Variants in LRRC4C observed in about 807,000 individuals in gnomAD.
The protein encoded by LRRC4C is leucine rich repeat containing 4C.
A neutral mutation model predicts 33.6 loss-of-function variants in LRRC4C; 5 were observed. That is an observed-to-expected ratio of 0.15 (90% CI 0.08 to 0.31). The LOEUF is 0.31. Ranked by LOEUF, LRRC4C falls within the 10% of genes least tolerant of loss-of-function variation. LRRC4C has a pLI of 1.00. For synonymous variants in LRRC4C, 329 were observed against 302.0 expected (o/e 1.09, Z -0.93); for missense variants, 560 against 796.7 (o/e 0.70, Z 3.58).
chr11:40,867,863 T>C (rs182891986), intron 2 of LRRC4C, among the ~76,000 whole-genome samples: 68 of 152,212 alleles, frequency 4.5e-4, no homozygotes, highest in African/African-American at 1.6e-3. Context: ...CCTCACCCCA[T>C]CCAGCATGCT....
chr11:40,789,134 T>C (rs928844069), intron 2 of LRRC4C, among the ~76,000 whole-genome samples: 1 of 149,452 alleles, frequency 6.7e-6, no homozygotes, highest in Non-Finnish European at 1.5e-5. Context: ...TATAAACTTA[T>C]GTGTTAGTGG....
At chr11:40,259,485 C>T (rs1175294999) in intron 4 of LRRC4C, among the ~76,000 whole-genome samples, 3 of 151,840 alleles carry the variant, frequency 2.0e-5, no homozygotes, top group Non-Finnish European at 4.4e-5. Flanking sequence ...AAGTCCTTGC[C>T]CATGCCTATG....
intron 5 of LRRC4C, among the ~76,000 whole-genome samples, chr11:40,213,902 C>A (rs983463527): frequency 1.3e-5 from 2 of 151,636 alleles, no homozygotes; most frequent in African/African-American, 4.9e-5. Flanking sequence ...TATGGTAGAT[C>A]GTATGATCCC....
At chr11:41,356,735 G>T (rs547408162) in intron 1 of LRRC4C, among the ~76,000 whole-genome samples, 2 of 152,054 alleles carry the variant, frequency 1.3e-5, no homozygotes, top group Non-Finnish European at 2.9e-5. Flanking sequence ...TCCTGGTTTT[G>T]TCTGAATGTT....
chr11:40,501,157 A>G (rs1954751115), intron 3 of LRRC4C, among the ~76,000 whole-genome samples: 1 of 152,048 alleles, frequency 6.6e-6, no homozygotes, highest in Admixed American at 6.6e-5. Flanking sequence ...GTTCCCATGG[A>G]ACCCACAACA....
At chr11:41,131,123 C>G (rs74880854) in intron 1 of LRRC4C, among the ~76,000 whole-genome samples, 1 of 151,806 alleles carries the variant, frequency 6.6e-6, no homozygotes, top group Non-Finnish European at 1.5e-5. Flanking sequence ...TGCAGCAGCC[C>G]GAGTTTAGTA....
intron 3 of LRRC4C, among the ~76,000 whole-genome samples, chr11:40,347,172 T>C (rs975371415): frequency 2.6e-5 from 4 of 152,242 alleles, no homozygotes; most frequent in Admixed American, 6.5e-5. Flanking sequence ...ATCAGTCATT[T>C]AGCTAGATTT....
At chr11:40,914,040 T>A (rs915831740) in intron 2 of LRRC4C, among the ~76,000 whole-genome samples, 1 of 152,084 alleles carries the variant, frequency 6.6e-6, no homozygotes, top group Non-Finnish European at 1.5e-5. Context: ...GGCTCTGAAA[T>A]TGAGGCAATA....
At chr11:40,690,917 CAA>C (rs922780517) in intron 2 of LRRC4C, among the ~76,000 whole-genome samples, 24 of 151,924 alleles carry the variant, frequency 1.6e-4, no homozygotes, top group African/African-American at 5.8e-4. Context: ...AAGGGAATCT[CAA>C]AGTCAAATGG....
chr11:41,322,356 T>A (rs10501261), intron 1 of LRRC4C, among the ~76,000 whole-genome samples: 1 of 151,944 alleles, frequency 6.6e-6, no homozygotes, highest in African/African-American at 2.4e-5. Flanking sequence ...GTTTACCCTC[T>A]GCAAAATTGT....
chr11:41,021,210 A>T (rs201878110), intron 1 of LRRC4C, among the ~76,000 whole-genome samples: 101,147 of 133,360 alleles, frequency 0.76, 36,968 homozygotes, highest in South Asian at 0.82. Flanking sequence ...AGAGAGAGAG[A>T]GAGAGTGTGT....
At chr11:40,327,326 T>TC (rs955561058) in intron 3 of LRRC4C, among the ~76,000 whole-genome samples, 1 of 151,742 alleles carries the variant, frequency 6.6e-6, no homozygotes, top group Non-Finnish European at 1.5e-5. Flanking sequence ...GGCCATTTTT[T>TC]TCATAAATAA....
intron 2 of LRRC4C, among the ~76,000 whole-genome samples, chr11:40,823,524 A>T (rs1952030660): frequency 6.6e-6 from 1 of 151,840 alleles, no homozygotes; most frequent in South Asian, 2.1e-4. Context: ...GTGAATAATT[A>T]TAAAATCACC....
intron 1 of LRRC4C, among the ~76,000 whole-genome samples, chr11:41,088,189 C>T (rs1940144415): frequency 6.6e-6 from 1 of 151,868 alleles, no homozygotes; most frequent in Non-Finnish European, 1.5e-5. Context: ...AAATTGAGTC[C>T]CAAATAAGTA....
chr11:41,270,285 A>C (rs765431343), intron 1 of LRRC4C, among the ~76,000 whole-genome samples: 5 of 152,140 alleles, frequency 3.3e-5, no homozygotes, highest in African/African-American at 4.8e-5. Context: ...CCTTGACTAT[A>C]GCAATTTTGC....
chr11:40,634,831 A>C (rs1050621510), intron 3 of LRRC4C, among the ~76,000 whole-genome samples: 32 of 152,254 alleles, frequency 2.1e-4, no homozygotes, highest in Non-Finnish European at 3.4e-4. Flanking sequence ...TTGAAATTAC[A>C]ATAAGCTATG....
chr11:41,001,410 A>C (rs1257793797), intron 1 of LRRC4C, among the ~76,000 whole-genome samples: 1 of 152,192 alleles, frequency 6.6e-6, no homozygotes, highest in Non-Finnish European at 1.5e-5. Context: ...TTCAGTCTAC[A>C]TAAATAAACA....
intron 2 of LRRC4C, among the ~76,000 whole-genome samples, chr11:40,688,826 T>C (rs1359185241): frequency 6.6e-6 from 1 of 151,906 alleles, no homozygotes; most frequent in African/African-American, 2.4e-5. Context: ...CAAGTGCTTC[T>C]GCAAAGAGAG....
chr11:40,873,186 A>G (rs1954733364), intron 2 of LRRC4C, among the ~76,000 whole-genome samples: 2 of 152,140 alleles, frequency 1.3e-5, no homozygotes, highest in South Asian at 2.1e-4. Context: ...ATCAGTTTCT[A>G]TATCTGCAAA....
Sources: gnomAD v4.1 joint callset for allele counts (sites outside exome capture counted in the v4.1 genomes callset) on GRCh38, gnomAD v4.1.1 for gene constraint, MANE v1.5 for transcripts, NCBI Gene and HGNC (gene_info 2026-07-23, HGNC 2026-07-21) for gene names.